The following GALK2 variants were observed in gnomAD, a reference collection of about 807,000 sequenced individuals.
GALK2 encodes the protein N-acetylgalactosamine kinase.
Under a neutral mutation model 52.4 loss-of-function variants are expected in GALK2, and 36 were observed. That is an observed-to-expected ratio of 0.69 (90% CI 0.53 to 0.91). The LOEUF is 0.91. Among genes scored for constraint, GALK2 ranks in the 40% least tolerant of loss-of-function variants. The pLI is 0.00. For synonymous variants in GALK2, 176 were observed against 199.1 expected (o/e 0.88, Z 0.98); for missense variants, 579 against 559.1 (o/e 1.04, Z -0.36).
At chr15:49,238,005 T>C (rs1362914589) in intron 4 of GALK2, among the ~76,000 whole-genome samples, 1 of 152,154 alleles carries the variant, frequency 6.6e-6, no homozygotes, top group East Asian at 1.9e-4. Context: ...TTCTTCTTAT[T>C]GTGGTGCGAG....
chr15:49,295,787 G>A (rs1198028369), intron 8 of GALK2, among the ~76,000 whole-genome samples: 1 of 152,132 alleles, frequency 6.6e-6, no homozygotes, highest in Non-Finnish European at 1.5e-5. Flanking sequence ...CTGAAATGCA[G>A]TTTCTACCTG....
At chr15:49,247,751 C>G (rs1034534847) in intron 5 of GALK2, among the ~76,000 whole-genome samples, 1 of 152,232 alleles carries the variant, frequency 6.6e-6, no homozygotes, top group Non-Finnish European at 1.5e-5. Flanking sequence ...TGTATTTTAA[C>G]AGTTCTCTGA....
At chr15:49,367,544 G>A (rs756782281) in exon 4 of GALK2, 22 of 1,606,716 alleles carry the variant, frequency 1.4e-5, no homozygotes, top group Non-Finnish European at 1.8e-5. Flanking sequence ...TAAAATCAAT[G>A]GACTCTGACC....
chr15:49,246,730 A>C (rs2091369322), intron 5 of GALK2, among the ~76,000 whole-genome samples: 1 of 152,188 alleles, frequency 6.6e-6, no homozygotes, highest in African/African-American at 2.4e-5. Flanking sequence ...AGATGGCATC[A>C]AGAATCCTGT....
chr15:49,327,842 G>C lies in GALK2; in HGVS notation c.1170-110G>C, dbSNP rs188838086. The C allele has an allele frequency of 7.2e-6, 7 of 970,180 alleles. 1 individual carries two copies. The African/African-American group carries it at 9.8e-5, about 14-fold the overall frequency. The allele number at this position is 970,180 out of a possible 1,614,324, so 60.1% of individuals were successfully genotyped here. On this transcript the variant is annotated intron_variant, in intron 9 of 9. Transcript: ENST00000560031. Reference sequence around the variant, plus strand: ...ATGTTTGATGACACCTAAAAACCCCGCATGTATTTTCTTCTTAGAACTTAG... The same window carrying C: ...ATGTTTGATGACACCTAAAAACCCCCCATGTATTTTCTTCTTAGAACTTAG...
At chr15:49,180,642 C>G (rs1167306478) in intron 1 of GALK2, among the ~76,000 whole-genome samples, 1 of 152,030 alleles carries the variant, frequency 6.6e-6, no homozygotes, top group African/African-American at 2.4e-5. Context: ...GGCATAAGGC[C>G]CTTTAAGATC....
intron 2 of GALK2, 85 bp downstream of exon 2, chr15:49,201,335 T>C: frequency 1.4e-6 from 1 of 713,796 alleles, no homozygotes; most frequent in Non-Finnish European, 2.3e-6. Context: ...TTTCTTAATT[T>C]TTCCCAAAAT....
chr15:49,335,677 C>T (rs1258173651), downstream of GALK2, among the ~76,000 whole-genome samples: 1 of 152,186 alleles, frequency 6.6e-6, no homozygotes, highest in Non-Finnish European at 1.5e-5. Context: ...AAGAAAACAT[C>T]ACTTTAAACT....
chr15:49,223,699 G>T (rs2089961767), intron 3 of GALK2, among the ~76,000 whole-genome samples: 1 of 152,106 alleles, frequency 6.6e-6, no homozygotes, highest in South Asian at 2.1e-4. Context: ...CTGCATCCAT[G>T]TTGTCGCAAA....
At chr15:49,165,141 T>C (rs139601423) in intron 1 of GALK2, among the ~76,000 whole-genome samples, 2 of 152,334 alleles carry the variant, frequency 1.3e-5, no homozygotes, top group Non-Finnish European at 2.9e-5. Context: ...GAATGAATGA[T>C]AGAATAATGG....
chr15:49,201,084 G>GTGTGTA (rs1555402762), intron 1 of GALK2, 78 bp from the exon 2 acceptor site: 3 of 674,056 alleles, frequency 4.5e-6, no homozygotes, highest in East Asian at 5.6e-5. Context: ...GTGTGTGTGT[G>GTGTGTA]TGTATGTATG....
intron 1 of GALK2, among the ~76,000 whole-genome samples, chr15:49,157,193 A>C (rs552520947): frequency 6.6e-6 from 1 of 152,298 alleles, no homozygotes; most frequent in South Asian, 2.1e-4. Context: ...TGAATCCCTC[A>C]TTTAAGTTTT....
chr15:49,181,136 G>A (rs555211195), intron 1 of GALK2, among the ~76,000 whole-genome samples: 29 of 126,278 alleles, frequency 2.3e-4, no homozygotes, highest in African/African-American at 7.1e-4. Context: ...TTTGAGACAG[G>A]GTCTCACTCT....
At chr15:49,234,869 C>A (rs928494216) in intron 3 of GALK2, among the ~76,000 whole-genome samples, 1 of 151,918 alleles carries the variant, frequency 6.6e-6, no homozygotes, top group South Asian at 2.1e-4. Context: ...CGGGTTCAAG[C>A]GATTCTTCTG....
At chr15:49,339,326 C>T (rs996729855) in intron 3 of GALK2, among the ~76,000 whole-genome samples, 1 of 152,254 alleles carries the variant, frequency 6.6e-6, no homozygotes, top group East Asian at 1.9e-4. Flanking sequence ...GAGTGGACAT[C>T]CTTTTTGTTG....
chr15:49,367,494 C>T (rs2045401241), exon 4 of GALK2: 2 of 1,604,086 alleles, frequency 1.2e-6, no homozygotes, highest in Non-Finnish European at 1.7e-6. Flanking sequence ...TTCTTAGGTG[C>T]TTTGGAAATA....
At chr15:49,321,331 A>G (rs535980006) in intron 9 of GALK2, among the ~76,000 whole-genome samples, 1 of 152,306 alleles carries the variant, frequency 6.6e-6, no homozygotes, top group Non-Finnish European at 1.5e-5. Flanking sequence ...GAGAGGTAGT[A>G]GATGAAGTAA....
intron 5 of GALK2, among the ~76,000 whole-genome samples, chr15:49,240,561 A>G (rs1022122771): frequency 6.6e-6 from 1 of 152,204 alleles, no homozygotes; most frequent in East Asian, 1.9e-4. Flanking sequence ...TAGAGAGCAT[A>G]GGACATCTAA....
chr15:49,170,278 G>C lies in GALK2; in HGVS notation c.-45G>C. On this transcript the variant is annotated 5_prime_UTR_variant, in exon 1 of 10. Coordinates refer to ENST00000560031, the MANE Select transcript of GALK2 (RefSeq NM_002044.4). ...GTCTCGTGATTGCTCTGGGAGCTTT[G>C]CTTAGACACTTGAAACTACAGGAGA... is the stretch of plus-strand genomic sequence containing the variant. 1.3e-6 allele frequency: 2 copies of C among 1,559,082 alleles called. No individual in the cohort carries two copies. The highest frequency in any genetic ancestry group is 2.4e-5 in the South Asian group (2 of 84,476).
Sources: gnomAD v4.1 joint callset for allele counts (sites outside exome capture counted in the v4.1 genomes callset) on GRCh38, gnomAD v4.1.1 for gene constraint, MANE v1.5 for transcripts, NCBI Gene and HGNC (gene_info 2026-07-23, HGNC 2026-07-21) for gene names.